DNMBP: variants seen among roughly 807,000 people sequenced by gnomAD.
DNMBP encodes the protein dynamin-binding protein.
Under a neutral mutation model 150.0 loss-of-function variants are expected in DNMBP, and 87 were observed. The ratio of observed to expected loss-of-function variants is 0.58; its 90% CI spans 0.49 to 0.69. The LOEUF (loss-of-function observed/expected upper bound fraction) is 0.69. Among genes scored for constraint, DNMBP ranks in the 30% least tolerant of loss-of-function variants. The pLI is 0.00. For missense variants in DNMBP, 1,774 were observed against 1,949.0 expected (o/e 0.91, Z 1.69); for synonymous variants, 711 against 750.4 (o/e 0.95, Z 0.86).
chr10:99,969,437 C>T (rs1364256150), intron 2 of DNMBP, among the ~76,000 whole-genome samples, 200 bp from the exon 3 acceptor site: 1 of 152,108 alleles, frequency 6.6e-6, no homozygotes, highest in Non-Finnish European at 1.5e-5. Flanking sequence ...GAATGCAATT[C>T]AATTTGGTAC....
intron 6 of DNMBP, among the ~76,000 whole-genome samples, chr10:99,901,945 C>T (rs2133232848): frequency 6.6e-6 from 1 of 152,246 alleles, no homozygotes; most frequent in East Asian, 1.9e-4. Context: ...CTGCGTTGCC[C>T]AGGCTGGAGT....
intron 12 of DNMBP, among the ~76,000 whole-genome samples, chr10:99,886,851 C>T (rs1480603372): frequency 6.6e-6 from 1 of 152,136 alleles, no homozygotes; most frequent in Non-Finnish European, 1.5e-5. Context: ...CCTTCAATTC[C>T]CACATCAAGG....
At chr10:99,901,232 T>C (rs950821956) in intron 6 of DNMBP, among the ~76,000 whole-genome samples, 5 of 152,136 alleles carry the variant, frequency 3.3e-5, no homozygotes, top group African/African-American at 9.7e-5. Context: ...CCCAGCCATA[T>C]GTACTTCTTT....
chr10:99,888,908 C>T lies in DNMBP; in HGVS notation c.3202G>A (p.Val1068Met), dbSNP rs1469081412. Residue 1068 changes from valine to methionine, a missense_variant, in exon 12 of 17, where the codon GTG becomes ATG. By Grantham distance (21) the Val-to-Met change is conservative. Transcript: ENST00000324109. ...KVVAAVSMWD[V>M]CMERGHRDLE... ...TCCCGGTGTCCTCTCTCCATGCACA[C>T]ATCCCACATGCTCACAGCAGCCACC... is the stretch of plus-strand genomic sequence containing the variant. 13 of 1,614,094 alleles carry T rather than the reference C, an allele frequency of 8.1e-6. No individual in the cohort carries two copies. The highest frequency in any genetic ancestry group is 1.7e-5 in the Admixed American group (1 of 60,006).
intron 1 of DNMBP, among the ~76,000 whole-genome samples, chr10:99,987,471 C>T (rs571142656): frequency 6.6e-6 from 1 of 152,268 alleles, no homozygotes; most frequent in Admixed American, 6.5e-5. Flanking sequence ...CAGTGGTTCA[C>T]GCCTGTAATC....
At chr10:99,928,226 T>C (rs2040104455) in intron 4 of DNMBP, 1 of 152,262 alleles carries the variant, frequency 6.6e-6, no homozygotes, top group African/African-American at 2.4e-5. Context: ...CAAGCCCATG[T>C]TGGAAGACCA....
chr10:99,917,498 T>C (rs1237530718), intron 4 of DNMBP, among the ~76,000 whole-genome samples: 1 of 152,236 alleles, frequency 6.6e-6, no homozygotes. Context: ...ATTTCTATGA[T>C]GAATATATAA....
intron 4 of DNMBP, among the ~76,000 whole-genome samples, chr10:99,928,919 G>A (rs1266334625): frequency 6.6e-6 from 1 of 152,126 alleles, no homozygotes; most frequent in Non-Finnish European, 1.5e-5. Flanking sequence ...AGAGGTGGGT[G>A]GTTCGCTCAA....
chr10:99,929,329 G>C lies in DNMBP; in HGVS notation c.2261-20183C>G, dbSNP rs145791192. ...TGAAAGTAAGAAAGGAAAGATACTT[G>C]AGATTAGAGACATCTGAAAAAACCA... is the stretch of plus-strand genomic sequence containing the variant. On this transcript the variant is annotated intron_variant, in intron 4 of 16. Coordinates refer to ENST00000324109, the MANE Select transcript of DNMBP (RefSeq NM_015221.4). Among the ~76,000 whole-genome samples, 1,393 of 152,082 alleles carry C rather than the reference G, an allele frequency of 9.2e-3. 19 individuals are homozygous for C. The highest frequency in any genetic ancestry group is 0.041 in the Middle Eastern group (12 of 294).
At chr10:99,975,261 G>A (rs895997498) in intron 1 of DNMBP, among the ~76,000 whole-genome samples, 2 of 152,062 alleles carry the variant, frequency 1.3e-5, no homozygotes, top group South Asian at 4.1e-4. Context: ...TCAGGAGGCT[G>A]AGGCAGGAGA....
At chr10:100,002,708 T>G (rs867505804) in intron 1 of DNMBP, among the ~76,000 whole-genome samples, 1 of 152,052 alleles carries the variant, frequency 6.6e-6, no homozygotes, top group Non-Finnish European at 1.5e-5. Context: ...TTAATAAATA[T>G]CTTCTGCTTG....
At chr10:99,908,886 T>G in intron 5 of DNMBP, 67 bp downstream of exon 5, 3 of 1,429,754 alleles carry the variant, frequency 2.1e-6, no homozygotes, top group Non-Finnish European at 2.9e-6. Flanking sequence ...AAAGCTCCTA[T>G]ATCCTAATGC....
Position 99,955,068 on chromosome 10 carries a change from A to G in DNMBP, c.2260+146T>C, listed in dbSNP as rs2040468850. On this transcript the variant is annotated intron_variant, in intron 4 of 16. Coordinates refer to ENST00000324109, the MANE Select transcript of DNMBP (RefSeq NM_015221.4). Reference sequence around the variant, plus strand: ...ACTGTCTCAAAAAAAAGGAAAAAAAAAAAAAGAAAAGAAATTAGGTAATGA... The same window carrying G: ...ACTGTCTCAAAAAAAAGGAAAAAAAGAAAAAGAAAAGAAATTAGGTAATGA... The G allele has an allele frequency of 5.2e-6, 4 of 763,650 alleles. No homozygotes were observed. In the African/African-American group the frequency reaches 5.3e-5, roughly 10 times the overall value. 47.3% of individuals were successfully genotyped at this position (763,650 alleles called of 1,614,324 possible). A position where few individuals can be genotyped will look rare whatever the true frequency, so the allele number is the denominator to read the frequency against.
rs10654940 is a variant in DNMBP at position 99,915,108 on chromosome 10, A to AAAATAT, written c.2261-5963_2261-5962insATATTT. ...AAACTCTGTCTCAAAAAAAAAAAAA[A>AAAATAT]ATATATATATATATATATATACACA... On this transcript the variant is annotated intron_variant, in intron 4 of 16. Transcript: ENST00000324109. Among the ~76,000 whole-genome samples the AAAATAT allele has an allele frequency of 9.4e-3, 936 of 99,682 alleles. 15 individuals carry two copies. Among genetic ancestry groups the AAAATAT allele is most frequent in the African/African-American group, 0.017 (373 of 22,606 alleles). 65.4% of individuals were successfully genotyped at this position (99,682 alleles called of 152,430 possible).
chr10:99,917,728 G>A (rs1368834269), intron 4 of DNMBP, among the ~76,000 whole-genome samples: 1 of 152,020 alleles, frequency 6.6e-6, no homozygotes, highest in East Asian at 1.9e-4. Flanking sequence ...CACTTTGGGA[G>A]GCCGAGGCGG....
At chr10:99,949,805 C>T (rs1276945879) in intron 4 of DNMBP, among the ~76,000 whole-genome samples, 1 of 152,112 alleles carries the variant, frequency 6.6e-6, no homozygotes, top group Non-Finnish European at 1.5e-5. Flanking sequence ...TAAAAAAGAA[C>T]ACCAGTTTTA....
chr10:99,919,984 A>C (rs1374795805), intron 4 of DNMBP, among the ~76,000 whole-genome samples: 1 of 152,244 alleles, frequency 6.6e-6, no homozygotes, highest in African/African-American at 2.4e-5. Flanking sequence ...CAAAAGAATA[A>C]GACAAAATAG....
intron 15 of DNMBP, among the ~76,000 whole-genome samples, chr10:99,882,452 C>T (rs145116858): frequency 1.3e-5 from 2 of 152,238 alleles, no homozygotes; most frequent in East Asian, 1.9e-4. Context: ...GGCATGGTCA[C>T]GCATGCCTCT....
chr10:99,891,547 C>T (rs1394121934), intron 11 of DNMBP, among the ~76,000 whole-genome samples: 2 of 152,056 alleles, frequency 1.3e-5, no homozygotes, highest in African/African-American at 2.4e-5. Flanking sequence ...CAGCCGCCTG[C>T]CTTGGACTCC....
Sources: gnomAD v4.1 joint callset for allele counts (sites outside exome capture counted in the v4.1 genomes callset) on GRCh38, gnomAD v4.1.1 for gene constraint, MANE v1.5 for transcripts, NCBI Gene and HGNC (gene_info 2026-07-23, HGNC 2026-07-21) for gene names.